Variants in MED14 observed in about 807,000 individuals in gnomAD.
The protein encoded by MED14 is mediator of RNA polymerase II transcription subunit 14.
A neutral mutation model predicts 109.0 loss-of-function variants in MED14; 8 were observed. The observed-to-expected ratio is 0.07, with a 90% confidence interval of 0.04 to 0.13. The LOEUF (loss-of-function observed/expected upper bound fraction) is 0.13. MED14 is among the 10% of genes least tolerant of loss of function. MED14 has a pLI of 1.00. For missense variants in MED14, 711 were observed against 1,142.4 expected (o/e 0.62, Z 5.44); for synonymous variants, 399 against 408.7 (o/e 0.98, Z 0.29).
At chrX:40,680,419 T>C (rs1930068464) in intron 20 of MED14, among the ~76,000 whole-genome samples, 1 of 111,512 alleles carries the variant, frequency 9.0e-6, no homozygotes, top group African/African-American at 3.3e-5. Context: ...ATGCTGTTTT[T>C]TGTTTGTTTG....
intron 13 of MED14, among the ~76,000 whole-genome samples, chrX:40,694,436 C>A (rs1930651782): frequency 9.0e-6 from 1 of 111,357 alleles, no homozygotes; most frequent in South Asian, 3.8e-4. Context: ...CTGACCAACA[C>A]ACATTCTTTT....
intron 3 of MED14, among the ~76,000 whole-genome samples, chrX:40,720,334 C>A (rs1417826974): frequency 8.9e-6 from 1 of 112,239 alleles, no homozygotes; most frequent in Non-Finnish European, 1.9e-5. Flanking sequence ...GCCACCCCAA[C>A]AGAGGCCCTG....
chrX:40,658,291 C>T (rs1223103163), intron 28 of MED14, among the ~76,000 whole-genome samples: 1 of 109,644 alleles, frequency 9.1e-6, no homozygotes, highest in Non-Finnish European at 1.9e-5. Flanking sequence ...AGGGTTTCAC[C>T]ACATTGCCCA....
intron 26 of MED14, among the ~76,000 whole-genome samples, chrX:40,660,683 A>C (rs1929230270): frequency 8.9e-6 from 1 of 112,340 alleles, no homozygotes; most frequent in Non-Finnish European, 1.9e-5. Flanking sequence ...AGCTGAGCAA[A>C]ATGAGGCCAA....
intron 26 of MED14, among the ~76,000 whole-genome samples, chrX:40,660,455 A>G (rs1929222617): frequency 8.9e-6 from 1 of 112,057 alleles, no homozygotes; most frequent in Non-Finnish European, 1.9e-5. Flanking sequence ...TTTTCTGTAA[A>G]GTGTTATATA....
At chrX:40,716,281 T>C (rs1028552444) in intron 3 of MED14, among the ~76,000 whole-genome samples, 2 of 110,738 alleles carry the variant, frequency 1.8e-5, no homozygotes, top group Non-Finnish European at 3.8e-5. Context: ...GAGAACACTA[T>C]GGAGGTTCCT....
At position 40,649,282 on chromosome X, in the gene MED14, T is replaced by C. The variant is rs1928771045; in HGVS notation, c.*2524A>G. ...AAATTCAAAGTCATATAAATTTTAGTTTATGCTTGCACTTAACTCACTCAG... is the reference window on the plus strand; with the variant it reads ...AAATTCAAAGTCATATAAATTTTAGCTTATGCTTGCACTTAACTCACTCAG... On this transcript the variant is annotated 3_prime_UTR_variant, in exon 31 of 31. Transcript: ENST00000324817. 1.5e-5 allele frequency: 2 copies of C among 129,197 alleles called. No individual in the cohort carries two copies. The highest frequency in any genetic ancestry group is 4.2e-4 in the South Asian group (2 of 4,749). 10.6% of individuals were successfully genotyped at this position (129,197 alleles called of 1,213,427 possible). A position where few individuals can be genotyped will look rare whatever the true frequency, so the allele number is the denominator to read the frequency against.
chrX:40,670,244 C>T (rs1929671583), intron 23 of MED14, among the ~76,000 whole-genome samples: 1 of 111,813 alleles, frequency 8.9e-6, no homozygotes, highest in Non-Finnish European at 1.9e-5. Flanking sequence ...AGGCATTTGT[C>T]ATGTACCACG....
intron 1 of MED14, among the ~76,000 whole-genome samples, chrX:40,730,606 C>T (rs1181695853): frequency 9.0e-6 from 1 of 111,397 alleles, no homozygotes; most frequent in East Asian, 2.8e-4. Context: ...CTCATGTCAG[C>T]GGTAGTATCA....
chrX:40,668,115 G>T (rs1929572912), intron 23 of MED14, among the ~76,000 whole-genome samples: 1 of 111,809 alleles, frequency 8.9e-6, no homozygotes, highest in African/African-American at 3.3e-5. Flanking sequence ...GGGTGTGGTG[G>T]CTCACGCCTG....
rs1374503047 is a variant in MED14 at position 40,655,080 on chromosome X, T to C, written c.3973-20A>G. The stretch of plus-strand genomic sequence containing the variant: ...AGGGAACTATTTTGAGGGGGAAAAA[T>C]CAAGATAAAGGCATATAAACATTTA... On this transcript the variant is annotated intron_variant, in intron 28 of 30. Coordinates refer to ENST00000324817, the MANE Select transcript of MED14 (RefSeq NM_004229.4). The C allele has an allele frequency of 8.3e-7, 1 of 1,198,682 alleles. No individual in the cohort carries two copies. Among genetic ancestry groups the C allele is most frequent in the Admixed American group, 2.2e-5 (1 of 45,657 alleles).
intron 1 of MED14, among the ~76,000 whole-genome samples, chrX:40,734,176 A>G (rs1042899917): frequency 8.9e-6 from 1 of 112,102 alleles, no homozygotes; most frequent in African/African-American, 3.2e-5. Flanking sequence ...GCAGAGAGGT[A>G]TATCATTATA....
intron 4 of MED14, among the ~76,000 whole-genome samples, chrX:40,714,227 C>T (rs926330528): frequency 4.5e-5 from 5 of 111,559 alleles, no homozygotes; most frequent in African/African-American, 1.6e-4. Flanking sequence ...ACTACCAAAA[C>T]AATAAAAGTT....
chrX:40,692,447 T>A, intron 14 of MED14, 130 bp from the exon 15 acceptor site: 1 of 552,564 alleles, frequency 1.8e-6, no homozygotes, highest in South Asian at 3.4e-5. Flanking sequence ...TTGTATTTAC[T>A]GAGTAAATAC....
intron 23 of MED14, among the ~76,000 whole-genome samples, chrX:40,670,356 T>C (rs1321646224): frequency 5.3e-5 from 6 of 113,011 alleles, no homozygotes; most frequent in Admixed American, 1.9e-4. Flanking sequence ...GAATTAGCTA[T>C]TGAATAAGTG....
At chrX:40,654,822 G>A (rs1929000050) in intron 29 of MED14, 113 bp downstream of exon 29, 2 of 954,194 alleles carry the variant, frequency 2.1e-6, no homozygotes, top group Non-Finnish European at 2.9e-6. Context: ...AGGAATCCTG[G>A]CCTCTATTTG....
chrX:40,689,400 A>G (rs188710621), intron 15 of MED14, among the ~76,000 whole-genome samples: 1 of 112,228 alleles, frequency 8.9e-6, no homozygotes, highest in African/African-American at 3.2e-5. Context: ...TCAATCAGAT[A>G]TATAAACATC....
At chrX:40,681,528 T>C (rs1372717387) in intron 19 of MED14, among the ~76,000 whole-genome samples, 4 of 111,996 alleles carry the variant, frequency 3.6e-5, no homozygotes, top group African/African-American at 1.3e-4. Flanking sequence ...TAACCACTCA[T>C]ACACAATTTT....
At chrX:40,654,195 G>A in intron 30 of MED14, 169 bp downstream of exon 30, 1 of 438,020 alleles carries the variant, frequency 2.3e-6, no homozygotes, top group South Asian at 4.0e-5. Flanking sequence ...CAGTGAGAAA[G>A]GAAGAAAGCG....
Sources: allele counts gnomAD v4.1 joint callset (sites outside exome capture counted in the v4.1 genomes callset), GRCh38; gene constraint gnomAD v4.1.1; transcripts MANE v1.5; gene names NCBI Gene and HGNC (gene_info 2026-07-23, HGNC 2026-07-21).